AGBL4: variants seen among roughly 807,000 people sequenced by gnomAD.
AGBL4 encodes AGBL carboxypeptidase 4, also known as cytosolic carboxypeptidase 6.
Under a neutral mutation model 66.4 loss-of-function variants are expected in AGBL4, and 58 were observed. That is an observed-to-expected ratio of 0.87 (90% CI 0.71 to 1.09). The LOEUF (loss-of-function observed/expected upper bound fraction) is 1.09. Among genes scored for constraint, AGBL4 ranks in the 50% least tolerant of loss-of-function variants. The pLI is 0.00. For synonymous variants in AGBL4, 234 were observed against 222.9 expected, an observed-to-expected ratio of 1.05 and a Z score of -0.44; for missense variants, 579 against 631.0, an observed-to-expected ratio of 0.92 and a Z score of 0.88.
At chr1:49,353,699 TA>T (rs1643958222) in intron 3 of AGBL4, among the ~76,000 whole-genome samples, 1 of 152,110 alleles carries the variant, frequency 6.6e-6, no homozygotes, top group Non-Finnish European at 1.5e-5. Context: ...CCCTGTCCTG[TA>T]CCCATACAAA....
intron 4 of AGBL4, among the ~76,000 whole-genome samples, chr1:49,092,390 G>A (rs1444654200): frequency 6.6e-6 from 1 of 152,108 alleles, no homozygotes; most frequent in Non-Finnish European, 1.5e-5. Context: ...CAATAACAGA[G>A]CCATCTCTTT....
intron 3 of AGBL4, among the ~76,000 whole-genome samples, chr1:49,543,233 T>C (rs1343480777): frequency 4.6e-5 from 7 of 152,230 alleles, no homozygotes; most frequent in African/African-American, 1.7e-4. Context: ...CCACAACGAA[T>C]ACCATCTCCC....
chr1:48,860,775 G>T (rs896485839), intron 6 of AGBL4, among the ~76,000 whole-genome samples: 1 of 152,166 alleles, frequency 6.6e-6, no homozygotes, highest in African/African-American at 2.4e-5. Flanking sequence ...ATCACACAGG[G>T]AGATGTGAAC....
intron 3 of AGBL4, among the ~76,000 whole-genome samples, chr1:49,652,358 A>T (rs76124443): frequency 0.053 from 8,093 of 152,206 alleles, 239 homozygotes; most frequent in African/African-American, 0.071. Context: ...GAACACCTGA[A>T]AGCTATTATA....
At chr1:48,750,862 C>A (rs1418938390) in intron 6 of AGBL4, among the ~76,000 whole-genome samples, 6 of 152,028 alleles carry the variant, frequency 3.9e-5, no homozygotes, top group Admixed American at 6.6e-5. Flanking sequence ...TCTGGGGTTC[C>A]TTATAGGACT....
intron 3 of AGBL4, among the ~76,000 whole-genome samples, chr1:49,660,145 TA>T (rs1160323289): frequency 6.6e-6 from 1 of 151,988 alleles, no homozygotes; most frequent in Non-Finnish European, 1.5e-5. Context: ...CAAAAGAAAC[TA>T]TATCATCAGA....
At chr1:49,143,783 T>C (rs1226368296) in intron 4 of AGBL4, among the ~76,000 whole-genome samples, 1 of 152,186 alleles carries the variant, frequency 6.6e-6, no homozygotes, top group African/African-American at 2.4e-5. Flanking sequence ...AAAACAAAGA[T>C]GTAGAAGTCA....
intron 6 of AGBL4, among the ~76,000 whole-genome samples, chr1:48,762,722 C>T (rs1644341585): frequency 6.6e-6 from 1 of 151,300 alleles, no homozygotes; most frequent in South Asian, 2.1e-4. Flanking sequence ...TCTCCTACAA[C>T]TTGTTAGTAA....
At chr1:49,559,606 C>A (rs1456075645) in intron 3 of AGBL4, among the ~76,000 whole-genome samples, 1 of 152,170 alleles carries the variant, frequency 6.6e-6, no homozygotes. Context: ...GTGGAAAAAA[C>A]TGACTTGCTG....
At chr1:49,636,790 A>G (rs1344043776) in intron 3 of AGBL4, among the ~76,000 whole-genome samples, 2 of 152,190 alleles carry the variant, frequency 1.3e-5, no homozygotes, top group African/African-American at 4.8e-5. Context: ...TGATTTATTG[A>G]TCTGCATGAT....
chr1:49,878,371 G>A (rs1450277326), intron 1 of AGBL4, among the ~76,000 whole-genome samples: 1,882 of 148,612 alleles, frequency 0.013, 36 homozygotes, highest in African/African-American at 0.045. Flanking sequence ...CTTTGTTCTC[G>A]TTGGTTTCAA....
Position 48,567,287 on chromosome 1 carries a change from C to CTCAATTGCT in AGBL4, c.1267+19708_1267+19716dup, listed in dbSNP as rs764242283. ...AGGTCCATCACCTCCAGGAAGTCAT[C>CTCAATTGCT]TCAATTGCTCTAGCTCTCTTTTCAC... On this transcript the variant is annotated intron_variant, in intron 11 of 13. Coordinates refer to ENST00000371839, the MANE Select transcript of AGBL4 (RefSeq NM_032785.4). 3.5e-4 allele frequency among the ~76,000 whole-genome samples: 53 copies of CTCAATTGCT among 152,196 alleles called. 1 individual carries two copies. Among genetic ancestry groups the CTCAATTGCT allele is most frequent in the Non-Finnish European group, 8.8e-5 (6 of 68,038 alleles).
At chr1:49,866,847 A>T (rs892887198) in intron 1 of AGBL4, among the ~76,000 whole-genome samples, 1 of 150,798 alleles carries the variant, frequency 6.6e-6, no homozygotes, top group Non-Finnish European at 1.5e-5. Flanking sequence ...CATCATTCTC[A>T]TGGCAACTCC....
At chr1:49,295,175 T>C (rs1176392702) in intron 3 of AGBL4, among the ~76,000 whole-genome samples, 1 of 152,206 alleles carries the variant, frequency 6.6e-6, no homozygotes, top group Non-Finnish European at 1.5e-5. Flanking sequence ...TCTGTTAGAG[T>C]TCTACCTTGT....
At chr1:48,703,262 C>G (rs12069626) in intron 6 of AGBL4, among the ~76,000 whole-genome samples, 1 of 151,978 alleles carries the variant, frequency 6.6e-6, no homozygotes, top group African/African-American at 2.4e-5. Context: ...GCAAAGGAAG[C>G]TGAAAGTAAG....
At chr1:48,629,022 T>C (rs1645550916) in intron 9 of AGBL4, among the ~76,000 whole-genome samples, 1 of 152,104 alleles carries the variant, frequency 6.6e-6, no homozygotes, top group Non-Finnish European at 1.5e-5. Flanking sequence ...TCAAGAGTCT[T>C]GCAAATGGGA....
At chr1:49,095,421 G>C (rs536058214) in intron 4 of AGBL4, among the ~76,000 whole-genome samples, 1,799 of 152,118 alleles carry the variant, frequency 0.012, 30 homozygotes, top group African/African-American at 0.041. Context: ...ATCACGCTAC[G>C]TGACTTCAAA....
At chr1:48,525,024 G>A in the AGBL4 span, among the ~76,000 whole-genome samples, 1 of 152,108 alleles carries the variant, frequency 6.6e-6, no homozygotes, top group Non-Finnish European at 1.5e-5. Flanking sequence ...TCACCAAAAT[G>A]TTCTGCTTGG....
intron 2 of AGBL4, among the ~76,000 whole-genome samples, chr1:49,802,987 A>G (rs1033105139): frequency 6.6e-6 from 1 of 152,038 alleles, no homozygotes; most frequent in Non-Finnish European, 1.5e-5. Context: ...CTGCTTTACA[A>G]TTTCAAAAGA....
Sources: gnomAD v4.1 joint callset for allele counts (sites outside exome capture counted in the v4.1 genomes callset) on GRCh38, gnomAD v4.1.1 for gene constraint, MANE v1.5 for transcripts, NCBI Gene and HGNC (gene_info 2026-07-23, HGNC 2026-07-21) for gene names.